PCDH15: variants seen among roughly 807,000 people sequenced by gnomAD.
PCDH15 encodes protocadherin-15.
PCDH15 carries 129 observed loss-of-function variants against 178.5 expected under a neutral mutation model. The observed-to-expected ratio is 0.72, with a 90% CI of 0.63 to 0.84. The LOEUF is 0.84. Among genes scored for constraint, PCDH15 ranks in the 40% least tolerant of loss-of-function variants. The pLI is 0.00. For synonymous variants in PCDH15, 800 were observed against 732.0 expected, an observed-to-expected ratio of 1.09 and a Z score of -1.50; for missense variants, 2,230 against 2,099.9, an observed-to-expected ratio of 1.06 and a Z score of -1.21.
intron 3 of PCDH15, among the ~76,000 whole-genome samples, chr10:54,479,521 C>A (rs1369024021): frequency 6.6e-6 from 1 of 151,694 alleles, no homozygotes. Flanking sequence ...AATTAATTAT[C>A]TCAATTATAA....
intron 1 of PCDH15, among the ~76,000 whole-genome samples, chr10:54,739,800 T>G (rs1415925885): frequency 6.6e-6 from 1 of 152,030 alleles, no homozygotes; most frequent in Admixed American, 6.6e-5. Flanking sequence ...TACTTTTCAA[T>G]GAATGGTGCT....
At chr10:54,789,560 T>A (rs1402248481) in intron 1 of PCDH15, among the ~76,000 whole-genome samples, 1 of 151,960 alleles carries the variant, frequency 6.6e-6, no homozygotes, top group Non-Finnish European at 1.5e-5. Context: ...GCAACAATCA[T>A]AATCACTATT....
chr10:54,335,672 C>T (rs1185991843), intron 6 of PCDH15, among the ~76,000 whole-genome samples: 1 of 152,150 alleles, frequency 6.6e-6, no homozygotes, highest in Non-Finnish European at 1.5e-5. Flanking sequence ...GATTGTGAGG[C>T]CTCCCAGGCA....
At chr10:55,328,315 G>A (rs911732300) in intron 2 of PCDH15, among the ~76,000 whole-genome samples, 1 of 151,700 alleles carries the variant, frequency 6.6e-6, no homozygotes, top group Admixed American at 6.6e-5. Flanking sequence ...TTTTGTAGTT[G>A]TGTGAATATC....
At chr10:55,238,470 A>C (rs999477380) in intron 1 of PCDH15, among the ~76,000 whole-genome samples, 21 of 151,964 alleles carry the variant, frequency 1.4e-4, no homozygotes, top group Non-Finnish European at 2.9e-5. Flanking sequence ...TTTCTTAAGG[A>C]CCATATCCAA....
At chr10:55,619,105 T>TA (rs1843536716) in intron 2 of PCDH15, among the ~76,000 whole-genome samples, 2 of 152,046 alleles carry the variant, frequency 1.3e-5, no homozygotes, top group South Asian at 2.1e-4. Flanking sequence ...GTATAACTTG[T>TA]AAAAAAATGC....
intron 2 of PCDH15, among the ~76,000 whole-genome samples, chr10:55,451,640 T>A (rs1217021642): frequency 6.6e-6 from 1 of 152,180 alleles, no homozygotes; most frequent in East Asian, 1.9e-4. Flanking sequence ...ATTCAGAAGC[T>A]CATGAAACAT....
chr10:54,320,325 C>T (rs938295464), intron 7 of PCDH15, among the ~76,000 whole-genome samples: 6 of 151,972 alleles, frequency 3.9e-5, no homozygotes, highest in African/African-American at 1.4e-4. Flanking sequence ...CCTAGTTTTT[C>T]TTCCCTTAGA....
chr10:54,265,211 G>A (rs1001758148), intron 8 of PCDH15, among the ~76,000 whole-genome samples: 9 of 152,016 alleles, frequency 5.9e-5, no homozygotes, highest in African/African-American at 9.7e-5. Context: ...TCAAGCAATC[G>A]GTAAGGGAAT....
chr10:53,989,541 T>C (rs1415070287), intron 21 of PCDH15, among the ~76,000 whole-genome samples: 1 of 152,196 alleles, frequency 6.6e-6, no homozygotes, highest in African/African-American at 2.4e-5. Flanking sequence ...TTTCATGGTG[T>C]ACCTTCTTTC....
intron 3 of PCDH15, among the ~76,000 whole-genome samples, chr10:54,460,248 A>G (rs977008368): frequency 3.9e-5 from 6 of 152,108 alleles, no homozygotes; most frequent in African/African-American, 1.4e-4. Context: ...AATACCGGCT[A>G]TGTGCCTGAC....
At chr10:54,593,252 C>A (rs191394579) in intron 2 of PCDH15, among the ~76,000 whole-genome samples, 1 of 152,194 alleles carries the variant, frequency 6.6e-6, no homozygotes, top group East Asian at 1.9e-4. Context: ...TTGCCAGAAC[C>A]AATGACAAGA....
intron 2 of PCDH15, among the ~76,000 whole-genome samples, chr10:54,557,957 G>A (rs2087524227): frequency 6.6e-6 from 1 of 151,892 alleles, no homozygotes; most frequent in South Asian, 2.1e-4. Flanking sequence ...TCAAATATCA[G>A]GTTTTCATAA....
At chr10:54,050,584 T>C (rs893920641) in intron 18 of PCDH15, among the ~76,000 whole-genome samples, 4 of 152,174 alleles carry the variant, frequency 2.6e-5, no homozygotes, top group African/African-American at 4.8e-5. Context: ...TTCTAGTTAT[T>C]TGTTCTCTTT....
At chr10:54,851,962 T>C (rs1246259255) in intron 3 of PCDH15, among the ~76,000 whole-genome samples, 2 of 152,206 alleles carry the variant, frequency 1.3e-5, no homozygotes, top group African/African-American at 4.8e-5. Flanking sequence ...GGCCACTTTT[T>C]GAATTGGCCT....
chr10:54,949,254 GA>G (rs1838272815), intron 2 of PCDH15, among the ~76,000 whole-genome samples: 1 of 151,848 alleles, frequency 6.6e-6, no homozygotes, highest in Non-Finnish European at 1.5e-5. Context: ...GAGGGCTCAG[GA>G]AACTCATGAT....
chr10:54,230,763 A>C (rs1472209667), intron 9 of PCDH15, among the ~76,000 whole-genome samples: 1 of 152,138 alleles, frequency 6.6e-6, no homozygotes, highest in Non-Finnish European at 1.5e-5. Flanking sequence ...TCATACTTTG[A>C]AAAATTAGAA....
chr10:54,410,641 C>T (rs1953351396), intron 3 of PCDH15, among the ~76,000 whole-genome samples: 2 of 152,210 alleles, frequency 1.3e-5, no homozygotes, highest in South Asian at 4.1e-4. Flanking sequence ...CAAATAATCT[C>T]ATTCACGTTT....
intron 26 of PCDH15, among the ~76,000 whole-genome samples, chr10:53,867,964 A>G (rs1450871496): frequency 6.6e-6 from 1 of 152,076 alleles, no homozygotes; most frequent in East Asian, 1.9e-4. Flanking sequence ...ACCATTTAGA[A>G]TTAAAAAGGA....
Sources: gnomAD v4.1 joint callset for allele counts (sites outside exome capture counted in the v4.1 genomes callset) on GRCh38, gnomAD v4.1.1 for gene constraint, MANE v1.5 for transcripts, NCBI Gene and HGNC (gene_info 2026-07-23, HGNC 2026-07-21) for gene names.